Variants in SCOC observed in about 807,000 individuals in gnomAD.
SCOC encodes short coiled-coil protein.
Under a neutral mutation model 9.9 loss-of-function variants are expected in SCOC, and 7 were observed. The observed-to-expected ratio is 0.71, with a 90% CI of 0.40 to 1.33. SCOC has a LOEUF of 1.33. Ranked by LOEUF, SCOC falls within the 40% of genes most tolerant of loss-of-function variation. The pLI is 0.01. For missense variants in SCOC, 66 were observed against 89.7 expected (o/e 0.74, Z 1.07); for synonymous variants, 19 against 28.2 (o/e 0.67, Z 1.03).
At chr4:140,366,091 T>C (rs1727780308) in intron 2 of SCOC, 1 of 336,346 alleles carries the variant, frequency 3.0e-6, no homozygotes, top group Non-Finnish European at 5.5e-6. Context: ...ACTGTAAAGA[T>C]CATGTTTGTA....
At chr4:140,329,252 GGAGAATGAAACT>G (rs1732739403) in intron 1 of SCOC, among the ~76,000 whole-genome samples, 1 of 152,108 alleles carries the variant, frequency 6.6e-6, no homozygotes, top group African/African-American at 2.4e-5. Flanking sequence ...GCCACATGTC[GGAGAATGAAACT>G]GGATCCTTGT....
chr4:140,274,157 G>A (rs1021119735), intron 1 of SCOC, among the ~76,000 whole-genome samples: 5 of 152,212 alleles, frequency 3.3e-5, no homozygotes. Flanking sequence ...GTAAATAGAT[G>A]AGCGAGTTTA....
intron 2 of SCOC, among the ~76,000 whole-genome samples, chr4:140,358,799 C>T (rs540805498): frequency 6.6e-6 from 1 of 152,166 alleles, no homozygotes. Context: ...ATTTACTTAG[C>T]CTTCTTAAAA....
chr4:140,377,601 C>T (rs908582328), intron 1 of SCOC, among the ~76,000 whole-genome samples: 1 of 152,074 alleles, frequency 6.6e-6, no homozygotes, highest in African/African-American at 2.4e-5. Context: ...GAACTATAAA[C>T]TTGAAGTTTA....
chr4:140,317,304 T>C (rs1448478389), intron 1 of SCOC, among the ~76,000 whole-genome samples: 1 of 152,210 alleles, frequency 6.6e-6, no homozygotes, highest in Non-Finnish European at 1.5e-5. Flanking sequence ...AGAAATGGAA[T>C]CTACAGGCAG....
At position 140,379,182 on chromosome 4, in the gene SCOC, T is replaced by C; in HGVS notation, c.12T>C (p.Ala4=). The C allele has an allele frequency of 6.2e-7, 1 of 1,603,412 alleles. No homozygotes were observed. Among genetic ancestry groups the C allele is most frequent in the Non-Finnish European group, 8.5e-7 (1 of 1,170,400 alleles). MMN[A]DMDAVDAENQ... ...GTTTGTTACCCAAGATGATGAATGC[T>C]GACATGGATGGTATGTTCTTCATTT... Residue 4 remains alanine (A), a synonymous_variant, in exon 2 of 4, where the codon GCT becomes GCC. Coordinates refer to ENST00000608372, the MANE Select transcript of SCOC (RefSeq NM_001153484.2).
In SCOC at chr4:140,381,234, C is replaced by G. The variant is rs1031858895; in HGVS notation, c.*130C>G. On this transcript the variant is annotated 3_prime_UTR_variant, in exon 4 of 4. Transcript: ENST00000608372. ...TTATGAAGATAATGTCAGATGTAGA[C>G]AAAAATAACACAATAACAGGAGACT... 1.2e-6 allele frequency: 1 copy of G among 828,596 alleles called. No homozygotes were observed. Among genetic ancestry groups the G allele is most frequent in the African/African-American group, 1.8e-5 (1 of 55,844 alleles). The allele number at this position is 828,596 out of a possible 1,614,324, so 51.3% of individuals were successfully genotyped here. A position where few individuals can be genotyped will look rare whatever the true frequency, so the allele number is the denominator to read the frequency against.
At chr4:140,337,934 C>A (rs944473373) in intron 1 of SCOC, among the ~76,000 whole-genome samples, 1 of 152,182 alleles carries the variant, frequency 6.6e-6, no homozygotes, top group Non-Finnish European at 1.5e-5. Context: ...GGGAATCCTC[C>A]CTAACTCATT....
intron 1 of SCOC, among the ~76,000 whole-genome samples, chr4:140,306,247 G>A (rs149950166): frequency 0.041 from 6,298 of 152,100 alleles, 287 homozygotes; most frequent in African/African-American, 0.12. Context: ...ATCAGATCTC[G>A]TGAGACGTGT....
chr4:140,258,583 C>G (rs1029685237), intron 1 of SCOC, among the ~76,000 whole-genome samples: 3 of 152,190 alleles, frequency 2.0e-5, no homozygotes, highest in Admixed American at 2.0e-4. Flanking sequence ...CTGACCTCAC[C>G]ACTTAAAGTT....
At chr4:140,325,547 T>C (rs1329603375) in intron 1 of SCOC, among the ~76,000 whole-genome samples, 3 of 152,120 alleles carry the variant, frequency 2.0e-5, no homozygotes, top group Non-Finnish European at 4.4e-5. Flanking sequence ...CAGATATTTC[T>C]TTAAGAAGAT....
At chr4:140,263,533 C>T (rs888743305) in intron 1 of SCOC, among the ~76,000 whole-genome samples, 1 of 152,018 alleles carries the variant, frequency 6.6e-6, no homozygotes, top group Non-Finnish European at 1.5e-5. Context: ...GAGATGACAC[C>T]GGGAGTGAAA....
intron 1 of SCOC, among the ~76,000 whole-genome samples, chr4:140,325,002 A>T (rs186931574): frequency 7.1e-4 from 108 of 152,262 alleles, no homozygotes; most frequent in African/African-American, 2.5e-3. Flanking sequence ...AATGGAACAG[A>T]AAAGAGAATT....
intron 1 of SCOC, among the ~76,000 whole-genome samples, chr4:140,295,886 G>C (rs558385728): frequency 7.4e-6 from 1 of 135,266 alleles, no homozygotes; most frequent in African/African-American, 3.0e-5. Flanking sequence ...AGCCAAGATC[G>C]CTCCACTGCA....
chr4:140,299,133 T>C (rs1046728042), intron 1 of SCOC, among the ~76,000 whole-genome samples: 2 of 152,226 alleles, frequency 1.3e-5, no homozygotes, highest in African/African-American at 4.8e-5. Context: ...AAAAAATTTT[T>C]ATTTTTTGTA....
intron 2 of SCOC, among the ~76,000 whole-genome samples, chr4:140,350,367 T>G (rs1726924390): frequency 6.6e-6 from 1 of 152,232 alleles, no homozygotes; most frequent in East Asian, 1.9e-4. Context: ...CTTAACATCT[T>G]TTGATTAAAG....
intron 1 of SCOC, among the ~76,000 whole-genome samples, chr4:140,327,268 G>A (rs535731488): frequency 6.6e-6 from 1 of 152,318 alleles, no homozygotes; most frequent in Non-Finnish European, 1.5e-5. Context: ...GGAAGGCTCT[G>A]CTGTCTTTGT....
At chr4:140,326,652 C>A (rs557492552) in intron 1 of SCOC, among the ~76,000 whole-genome samples, 1,765 of 143,748 alleles carry the variant, frequency 0.012, 17 homozygotes, top group African/African-American at 0.029. Context: ...GACCCCCCCC[C>A]CTACACTGTT....
At position 140,375,485 on chromosome 4, in the gene SCOC, A is replaced by T. The variant is rs148061549; in HGVS notation, c.-51+1768A>T. Reference sequence around the variant, plus strand: ...GCAGAGCTAGGATTTGAATCCAGGTAATCTGAATCCATATTGTTAATCATT... The same window carrying T: ...GCAGAGCTAGGATTTGAATCCAGGTTATCTGAATCCATATTGTTAATCATT... On this transcript the variant is annotated intron_variant, in intron 1 of 3. Transcript: ENST00000608372. 2.0e-3 allele frequency among the ~76,000 whole-genome samples: 307 copies of T among 152,340 alleles called. 1 individual carries two copies. Among genetic ancestry groups the T allele is most frequent in the South Asian group, 0.012 (59 of 4,826 alleles).
Sources: allele counts gnomAD v4.1 joint callset (sites outside exome capture counted in the v4.1 genomes callset), GRCh38; gene constraint gnomAD v4.1.1; transcripts MANE v1.5; gene names NCBI Gene and HGNC (gene_info 2026-07-23, HGNC 2026-07-21).